The following MCF2L variants were observed in gnomAD, a reference collection of about 807,000 sequenced individuals.
The protein encoded by MCF2L is guanine nucleotide exchange factor DBS.
MCF2L carries 97 observed loss-of-function variants against 153.4 expected under a neutral mutation model. The ratio of observed to expected loss-of-function variants is 0.63; its 90% CI spans 0.54 to 0.75. The LOEUF (loss-of-function observed/expected upper bound fraction) is 0.75. Among genes scored for constraint, MCF2L ranks in the 30% least tolerant of loss-of-function variants. The pLI, the probability that MCF2L is intolerant of heterozygous loss-of-function variation, is 0.00. For missense variants in MCF2L, 1,347 were observed against 1,495.2 expected (o/e 0.90, Z 1.64); for synonymous variants, 659 against 632.2 (o/e 1.04, Z -0.64).
intron 2 of MCF2L, among the ~76,000 whole-genome samples, chr13:113,023,069 C>T (rs567217839): frequency 6.6e-6 from 1 of 152,344 alleles, no homozygotes; most frequent in African/African-American, 2.4e-5. Context: ...CCTTCCCCTT[C>T]GGGGGCTTCC....
intron 26 of MCF2L, 117 bp from the exon 27 acceptor site, chr13:113,094,397 T>A: frequency 9.2e-7 from 1 of 1,082,594 alleles, no homozygotes; most frequent in Non-Finnish European, 1.3e-6. Flanking sequence ...CAGGCTCTGT[T>A]GGGGGCCCAC....
chr13:112,996,162 G>T (rs934135992), intron 1 of MCF2L, among the ~76,000 whole-genome samples: 1 of 152,130 alleles, frequency 6.6e-6, no homozygotes, highest in African/African-American at 2.4e-5. Flanking sequence ...AAGGTAAATG[G>T]CATTTAAAAT....
intron 26 of MCF2L, chr13:113,091,069 G>T: frequency 7.7e-7 from 1 of 1,303,838 alleles, no homozygotes; most frequent in Non-Finnish European, 1.0e-6. Flanking sequence ...GCCTCCCTCC[G>T]TCCTTCACAC....
intron 1 of MCF2L, among the ~76,000 whole-genome samples, chr13:112,975,663 C>T (rs1178350740): frequency 6.6e-6 from 1 of 152,242 alleles, no homozygotes; most frequent in African/African-American, 2.4e-5. Context: ...CAGGGAGCCG[C>T]TGCCGTGGTC....
chr13:112,912,671 A>G (rs886141035), intron 2 of MCF2L, among the ~76,000 whole-genome samples: 1 of 151,900 alleles, frequency 6.6e-6, no homozygotes, highest in Non-Finnish European at 1.5e-5. Flanking sequence ...TTTTTTATTT[A>G]TTTGCTGGAA....
At chr13:112,955,353 A>C (rs1257766219) in intron 2 of MCF2L, among the ~76,000 whole-genome samples, 1 of 152,206 alleles carries the variant, frequency 6.6e-6, no homozygotes, top group Non-Finnish European at 1.5e-5. Context: ...AAACGGAGAC[A>C]TGGGAGCCGC....
chr13:113,088,432 C>A (rs1298060207), intron 24 of MCF2L, 27 bp downstream of exon 24: 2 of 1,612,656 alleles, frequency 1.2e-6, no homozygotes, highest in Non-Finnish European at 1.7e-6. Flanking sequence ...GCGATCGTTT[C>A]CCGTAGCTTC....
rs535356110 is a variant in MCF2L, at chr13:113,051,068, A to G, written c.369+5707A>G. Among the ~76,000 whole-genome samples the G allele has an allele frequency of 1.8e-3, 271 of 152,310 alleles. 2 individuals are homozygous for G. Among genetic ancestry groups the G allele is most frequent in the African/African-American group, 6.2e-3 (259 of 41,562 alleles). On this transcript the variant is annotated intron_variant, in intron 4 of 29. Coordinates refer to ENST00000535094, the MANE Select transcript of MCF2L (RefSeq NM_001112732.3). Reference sequence around the variant, plus strand: ...CTTCCCGGTGTGGCTGAGCTTTCTCAGAACACCGCTGCTGTGTGCAGCAAG... The same window carrying G: ...CTTCCCGGTGTGGCTGAGCTTTCTCGGAACACCGCTGCTGTGTGCAGCAAG...
intron 26 of MCF2L, chr13:113,091,345 G>A (rs1156820316): frequency 3.4e-6 from 2 of 582,492 alleles, no homozygotes; most frequent in African/African-American, 2.0e-5. Flanking sequence ...TGTTCAATGT[G>A]TGATGCTCTG....
intron 2 of MCF2L, among the ~76,000 whole-genome samples, chr13:112,922,326 A>G (rs1023496847): frequency 2.6e-5 from 4 of 152,182 alleles, no homozygotes; most frequent in African/African-American, 4.8e-5. Flanking sequence ...CGTCTTCCAG[A>G]TCTCTAAAGA....
rs1458913509 is a variant in MCF2L, at chr13:112,993,950, C to T, written c.80-20813C>T. ...CTTCAGATAAAAGGCACAATCACAA[C>T]AGCAGCAAACACACCTTCATTTTAA... On this transcript the variant is annotated intron_variant, in intron 1 of 29. Transcript: ENST00000535094. This position sits in a 1 kb window ranked among gnomAD's most constrained non-coding sequence, Gnocchi z 4.6. 2.1e-5 allele frequency among the ~76,000 whole-genome samples: 3 copies of T among 144,112 alleles called. No individual in the cohort carries two copies. The highest frequency in any genetic ancestry group is 7.8e-5 in the African/African-American group (3 of 38,234). The allele number at this position is 144,112 out of a possible 152,430, so 94.5% of individuals were successfully genotyped here. A position where few individuals can be genotyped will look rare whatever the true frequency, so the allele number is the denominator to read the frequency against.
rs551169293 is a variant in MCF2L at position 112,963,486 on chromosome 13, T to C, written c.170-51277T>C. On this transcript the variant is annotated intron_variant, in intron 2 of 29. Coordinates refer to the MCF2L transcript ENST00000375608. ...TGTGGGGACTGGGATAGGCACCAGG[T>C]GGAACCTCAGGTCTGTCAGCAAGGG... 3.9e-5 allele frequency among the ~76,000 whole-genome samples: 6 copies of C among 152,192 alleles called. No individual in the cohort carries two copies. The East Asian group carries it at 1.2e-3, about 29-fold the overall frequency.
chr13:113,000,118 C>T (rs906072801), intron 1 of MCF2L, among the ~76,000 whole-genome samples: 4 of 152,164 alleles, frequency 2.6e-5, no homozygotes, highest in East Asian at 1.9e-4. Context: ...CCCCGGGGCT[C>T]GTGTTCCAGG....
intron 9 of MCF2L, among the ~76,000 whole-genome samples, chr13:113,072,017 C>A (rs1219487211): frequency 2.0e-5 from 3 of 152,158 alleles, no homozygotes; most frequent in Non-Finnish European, 4.4e-5. Flanking sequence ...CATTTGATTT[C>A]TTTCATCAGT....
chr13:113,052,722 C>A (rs886448482), intron 4 of MCF2L: 2 of 152,166 alleles, frequency 1.3e-5, no homozygotes, highest in African/African-American at 4.8e-5. Flanking sequence ...AGTGAACAAA[C>A]CTCAGCTGTG....
intron 1 of MCF2L, among the ~76,000 whole-genome samples, chr13:112,984,897 G>A (rs944244241): frequency 3.9e-5 from 6 of 152,106 alleles, no homozygotes; most frequent in Non-Finnish European, 8.8e-5. Flanking sequence ...TGCCAGTGGT[G>A]TCAGCATTTG....
At chr13:112,930,817 A>G (rs2081455047) in intron 2 of MCF2L, among the ~76,000 whole-genome samples, 1 of 152,128 alleles carries the variant, frequency 6.6e-6, no homozygotes, top group African/African-American at 2.4e-5. Context: ...CGTGCCTGTA[A>G]TCCCAGCTAC....
intron 3 of MCF2L, among the ~76,000 whole-genome samples, chr13:113,026,372 C>T (rs771525680): frequency 2.6e-5 from 4 of 152,208 alleles, no homozygotes; most frequent in Non-Finnish European, 4.4e-5. Flanking sequence ...AGAGCTTTGT[C>T]AGCATCATGG....
At chr13:113,086,749 T>C (rs1293154301) in intron 21 of MCF2L, among the ~76,000 whole-genome samples, 1 of 152,278 alleles carries the variant, frequency 6.6e-6, no homozygotes, top group East Asian at 1.9e-4. Context: ...AGGTGTTTTT[T>C]TTTTAACTAA....
Sources: allele counts gnomAD v4.1 joint callset (sites outside exome capture counted in the v4.1 genomes callset), GRCh38; gene constraint gnomAD v4.1.1; non-coding constraint Gnocchi (gnomAD v3.1); transcripts MANE v1.5; gene names NCBI Gene and HGNC (gene_info 2026-07-23, HGNC 2026-07-21).